RIMBP2: variants seen among roughly 807,000 people sequenced by gnomAD.
The protein encoded by RIMBP2 is RIMS-binding protein 2.
RIMBP2 carries 48 observed loss-of-function variants against 118.6 expected under a neutral mutation model. That is an observed-to-expected ratio of 0.40 (90% CI 0.32 to 0.51). The LOEUF is 0.51. RIMBP2 is among the 20% of genes least tolerant of loss of function. The pLI is 0.41. For synonymous variants in RIMBP2, 762 were observed against 742.9 expected, an observed-to-expected ratio of 1.03 and a Z score of -0.42; for missense variants, 1,551 against 1,768.3, an observed-to-expected ratio of 0.88 and a Z score of 2.20.
intron 2 of RIMBP2, among the ~76,000 whole-genome samples, chr12:130,608,584 G>C (rs2060324965): frequency 6.6e-6 from 1 of 152,216 alleles, no homozygotes; most frequent in Non-Finnish European, 1.5e-5. Context: ...CTCCTGGGGG[G>C]AGGTGGGCAG....
chr12:130,592,563 C>T (rs913118918), intron 2 of RIMBP2, among the ~76,000 whole-genome samples: 4 of 152,014 alleles, frequency 2.6e-5, no homozygotes, highest in African/African-American at 9.7e-5. Flanking sequence ...GTGGCAGGCG[C>T]CTGTAATCCC....
chr12:130,619,069 TGGCACCAAATA>T (rs2061139678), intron 2 of RIMBP2, among the ~76,000 whole-genome samples: 1 of 152,258 alleles, frequency 6.6e-6, no homozygotes, highest in African/African-American at 2.4e-5. Flanking sequence ...CTTCAAATTA[TGGCACCAAATA>T]GGCAAAACTG....
intron 2 of RIMBP2, among the ~76,000 whole-genome samples, chr12:130,529,687 T>C (rs911603431): frequency 1.9e-4 from 29 of 152,200 alleles, no homozygotes; most frequent in African/African-American, 6.8e-4. Context: ...TGAAGGGCTA[T>C]AAGGCATCAG....
At chr12:130,527,154 C>T (rs2052889360) in intron 2 of RIMBP2, among the ~76,000 whole-genome samples, 1 of 152,096 alleles carries the variant, frequency 6.6e-6, no homozygotes, top group Non-Finnish European at 1.5e-5. Context: ...CTAACACTGA[C>T]CAGATGTAAT....
chr12:130,451,233 A>T lies in RIMBP2; in HGVS notation c.466T>A (p.Ser156Thr), dbSNP rs200638549. ...CTGCATCTTGCGCTACCGGATCTCG[A>T]CAGGAAGGTGGGCTTGGCGGACAGA... ...EPLSAKPTFLSRSGSARCRSE... is the reference protein window; with the variant it reads ...EPLSAKPTFLTRSGSARCRSE... The change falls in exon 8 of 23, where the codon TCG becomes ACG. Residue 156 changes from serine (S) to threonine (T), a missense_variant. Ser to Thr is a moderately conservative substitution (Grantham distance 58). This residue lies in a region of RIMBP2 where 239 missense variants were observed against 256.8 expected (regional missense o/e 0.93). Transcript: ENST00000690449. 19 of 1,614,102 alleles carry T rather than the reference A, an allele frequency of 1.2e-5. No individual in the cohort carries two copies. The highest frequency in any genetic ancestry group is 1.6e-5 in the Non-Finnish European group (19 of 1,179,994).
At position 130,646,153 on chromosome 12, in the gene RIMBP2, C is replaced by CGCTACTGCAAAAGGGATTGT. The variant is rs1566422407; in HGVS notation, c.-351-17698_-351-17697insACAATCCCTTTTGCAGTAGC. On this transcript the variant is annotated intron_variant, in intron 1 of 22. Coordinates refer to ENST00000690449, the MANE Select transcript of RIMBP2 (RefSeq NM_001393629.1). ...TCTCCACCTCCCTCACCACCTGCCT[C>CGCTACTGCAAAAGGGATTGT]TCCACCTCCCTCACCACCTGCCTCT... 4.4e-5 allele frequency among the ~76,000 whole-genome samples: 4 copies of CGCTACTGCAAAAGGGATTGT among 90,446 alleles called. 1 individual carries two copies. The highest frequency in any genetic ancestry group is 7.9e-5 in the Non-Finnish European group (3 of 38,138). 59.3% of individuals were successfully genotyped at this position (90,446 alleles called of 152,430 possible). A position where few individuals can be genotyped will look rare whatever the true frequency, so the allele number is the denominator to read the frequency against.
chr12:130,611,442 TG>T (rs1213501960), intron 2 of RIMBP2, among the ~76,000 whole-genome samples: 1 of 152,228 alleles, frequency 6.6e-6, no homozygotes, highest in Non-Finnish European at 1.5e-5. Context: ...CCAGGGCACC[TG>T]GGGCCGCTTC....
intron 7 of RIMBP2, among the ~76,000 whole-genome samples, chr12:130,454,220 TTA>T (rs1257898714): frequency 2.0e-5 from 3 of 152,224 alleles, no homozygotes; most frequent in Non-Finnish European, 2.9e-5. Flanking sequence ...CACAATTGAT[TTA>T]TGTTACATCG....
chr12:130,412,863 G>A, intron 18 of RIMBP2, 76 bp from the exon 19 acceptor site: 1 of 1,336,966 alleles, frequency 7.5e-7, no homozygotes, highest in South Asian at 1.4e-5. Flanking sequence ...CTGACGGTAA[G>A]TGAGTGTAGT....
chr12:130,456,886 G>T (rs950640723), intron 6 of RIMBP2, among the ~76,000 whole-genome samples, 186 bp from the exon 7 acceptor site: 1 of 152,214 alleles, frequency 6.6e-6, no homozygotes, highest in African/African-American at 2.4e-5. Flanking sequence ...CTGTGTGCAC[G>T]TGTCTGTGTG....
intron 2 of RIMBP2, among the ~76,000 whole-genome samples, chr12:130,597,500 C>G (rs2059628571): frequency 6.6e-6 from 1 of 152,204 alleles, no homozygotes; most frequent in South Asian, 2.1e-4. Flanking sequence ...CTCAGTCTCC[C>G]AAAGTGCTGG....
chr12:130,628,087 A>C (rs927347497), intron 2 of RIMBP2, among the ~76,000 whole-genome samples: 1 of 152,210 alleles, frequency 6.6e-6, no homozygotes, highest in Non-Finnish European at 1.5e-5. Context: ...ATTTTCAGGC[A>C]TCAAGTTCTT....
chr12:130,706,837 T>A (rs2066145188), intron 1 of RIMBP2, among the ~76,000 whole-genome samples: 1 of 152,204 alleles, frequency 6.6e-6, no homozygotes, highest in African/African-American at 2.4e-5. Flanking sequence ...ATGCAGTGAT[T>A]CGGCAGCCGC....
At chr12:130,485,703 G>A (rs1036147366) in intron 4 of RIMBP2, among the ~76,000 whole-genome samples, 6 of 152,188 alleles carry the variant, frequency 3.9e-5, no homozygotes, top group Non-Finnish European at 7.4e-5. Context: ...ACCAGGACTC[G>A]CTAGGTAGAT....
chr12:130,463,920 G>A (rs1032715329), intron 6 of RIMBP2, among the ~76,000 whole-genome samples: 2 of 150,742 alleles, frequency 1.3e-5, no homozygotes, highest in Non-Finnish European at 2.9e-5. Context: ...GTGACCGCTG[G>A]TTGTCCTCAC....
At chr12:130,528,960 C>T (rs890327640) in intron 2 of RIMBP2, among the ~76,000 whole-genome samples, 13 of 152,212 alleles carry the variant, frequency 8.5e-5, no homozygotes, top group Non-Finnish European at 1.5e-5. Flanking sequence ...AGGCTTATGC[C>T]CAGAGCATTG....
At chr12:130,445,294 A>G (rs1566051226) in intron 9 of RIMBP2, 25 bp from the exon 10 acceptor site, 1 of 1,564,962 alleles carries the variant, frequency 6.4e-7, no homozygotes, top group Non-Finnish European at 8.8e-7. Flanking sequence ...CAGTTCCTTC[A>G]TTAGAGGCTC....
At chr12:130,584,622 A>T (rs2058746967) in intron 2 of RIMBP2, among the ~76,000 whole-genome samples, 1 of 150,794 alleles carries the variant, frequency 6.6e-6, no homozygotes, top group African/African-American at 2.4e-5. Context: ...CCATTACATC[A>T]TCATCACTGC....
intron 1 of RIMBP2, among the ~76,000 whole-genome samples, chr12:130,679,512 C>T (rs1168550615): frequency 2.0e-5 from 3 of 152,228 alleles, no homozygotes; most frequent in African/African-American, 7.2e-5. Context: ...TGACTTCTCT[C>T]ACTGGGGAGG....
Sources: gnomAD v4.1 joint callset for allele counts (sites outside exome capture counted in the v4.1 genomes callset) on GRCh38, gnomAD v4.1.1 for gene constraint, gnomAD v4.1.1 regional missense constraint, MANE v1.5 for transcripts, NCBI Gene and HGNC (gene_info 2026-07-23, HGNC 2026-07-21) for gene names.